The following PTPRG variants were observed in gnomAD, a reference collection of about 807,000 sequenced individuals.
The protein encoded by PTPRG is protein tyrosine phosphatase receptor type G.
In PTPRG, 102 loss-of-function variants were observed where a neutral mutation model predicts 165.3. The ratio of observed to expected loss-of-function variants is 0.62; its 90% CI spans 0.53 to 0.73. PTPRG has a LOEUF of 0.73. Ranked by LOEUF, PTPRG falls within the 30% of genes least tolerant of loss-of-function variation. PTPRG has a pLI of 0.00. For missense variants in PTPRG, 1,866 were observed against 1,861.4 expected, an observed-to-expected ratio of 1.00 and a Z score of -0.05; for synonymous variants, 675 against 669.5, an observed-to-expected ratio of 1.01 and a Z score of -0.13.
chr3:62,128,828 A>T (rs1179416334), intron 5 of PTPRG, among the ~76,000 whole-genome samples: 1 of 149,246 alleles, frequency 6.7e-6, no homozygotes, highest in African/African-American at 2.5e-5. Flanking sequence ...TATGCCCATG[A>T]ATTTTTTTTT....
intron 5 of PTPRG, among the ~76,000 whole-genome samples, chr3:62,096,979 AT>A (rs1410020941): frequency 1.3e-5 from 2 of 152,210 alleles, no homozygotes; most frequent in African/African-American, 4.8e-5. Flanking sequence ...CATCTTAGAA[AT>A]ATGAAGCAAA....
chr3:62,074,978 C>G (rs1228626014), intron 4 of PTPRG, among the ~76,000 whole-genome samples: 3 of 152,180 alleles, frequency 2.0e-5, no homozygotes, highest in Admixed American at 2.0e-4. Context: ...TCTACTTATT[C>G]TTACATTTTA....
At chr3:61,949,457 G>A (rs1234389109) in intron 2 of PTPRG, among the ~76,000 whole-genome samples, 2 of 152,178 alleles carry the variant, frequency 1.3e-5, no homozygotes, top group African/African-American at 4.8e-5. Flanking sequence ...TGGTGGTGGA[G>A]AAACCACAAT....
At chr3:61,909,799 A>G (rs982859729) in intron 2 of PTPRG, among the ~76,000 whole-genome samples, 3 of 152,224 alleles carry the variant, frequency 2.0e-5, no homozygotes, top group Non-Finnish European at 4.4e-5. Context: ...AATTGCTAAT[A>G]TTGCTGCCAT....
chr3:62,095,814 T>C (rs1702089755), intron 5 of PTPRG, among the ~76,000 whole-genome samples: 1 of 150,728 alleles, frequency 6.6e-6, no homozygotes, highest in African/African-American at 2.4e-5. Flanking sequence ...TTAACTAGAG[T>C]GGAAATTACA....
intron 5 of PTPRG, among the ~76,000 whole-genome samples, chr3:62,114,474 CATT>C (rs1320085219): frequency 3.3e-5 from 5 of 152,176 alleles, no homozygotes; most frequent in Non-Finnish European, 7.4e-5. Flanking sequence ...GTTTAGGAGT[CATT>C]ATTTTATCTC....
At chr3:61,879,705 A>G (rs1368096073) in intron 2 of PTPRG, among the ~76,000 whole-genome samples, 2 of 152,086 alleles carry the variant, frequency 1.3e-5, no homozygotes, top group Non-Finnish European at 2.9e-5. Context: ...TGCAATCTAT[A>G]TGCCTTTTAT....
At chr3:61,594,256 C>T (rs1447961286) in intron 1 of PTPRG, among the ~76,000 whole-genome samples, 2 of 151,864 alleles carry the variant, frequency 1.3e-5, no homozygotes, top group East Asian at 1.9e-4. Context: ...AATACTCCTC[C>T]GGGAGGAGGG....
At chr3:62,173,528 C>G (rs1348173308) in intron 8 of PTPRG, among the ~76,000 whole-genome samples, 1 of 152,130 alleles carries the variant, frequency 6.6e-6, no homozygotes, top group African/African-American at 2.4e-5. Context: ...AAATCATAGG[C>G]TTGTTGTAAG....
At chr3:61,975,380 A>G (rs1203987027) in intron 2 of PTPRG, among the ~76,000 whole-genome samples, 1 of 152,196 alleles carries the variant, frequency 6.6e-6, no homozygotes, top group Non-Finnish European at 1.5e-5. Context: ...AGTACTCCAT[A>G]TCAGCCTGTC....
chr3:61,756,527 G>C (rs529289840), intron 2 of PTPRG, among the ~76,000 whole-genome samples: 13 of 152,290 alleles, frequency 8.5e-5, no homozygotes, highest in Non-Finnish European at 1.8e-4. Flanking sequence ...TCCAGTGTTT[G>C]AAAGACGTTG....
At chr3:61,953,520 T>A (rs112753289) in intron 2 of PTPRG, among the ~76,000 whole-genome samples, 4 of 152,318 alleles carry the variant, frequency 2.6e-5, no homozygotes, top group African/African-American at 9.6e-5. Context: ...ACGGGCTCCC[T>A]AGTAAATTAA....
intron 8 of PTPRG, among the ~76,000 whole-genome samples, chr3:62,184,675 G>A (rs1401744139): frequency 6.6e-6 from 1 of 152,142 alleles, no homozygotes; most frequent in Non-Finnish European, 1.5e-5. Flanking sequence ...CCCCACGGTC[G>A]TCTGCTGGCT....
rs149671761 is a variant in PTPRG, at chr3:62,098,960, G to A, written c.615+20702G>A. Among the ~76,000 whole-genome samples, 53 of 152,296 alleles carry A rather than the reference G, an allele frequency of 3.5e-4. No individual in the cohort carries two copies. The East Asian group carries it at 8.3e-3, about 24-fold the overall frequency. ...ATGTTTTAGAAACAAAAGGCATATC[G>A]TAGTGCCACTAGACAGACACATTGT... On this transcript the variant is annotated intron_variant, in intron 5 of 29. Transcript: ENST00000474889.
At chr3:61,782,652 G>A (rs1327673948) in intron 2 of PTPRG, among the ~76,000 whole-genome samples, 2 of 152,218 alleles carry the variant, frequency 1.3e-5, no homozygotes, top group Non-Finnish European at 2.9e-5. Flanking sequence ...GATGAAACAA[G>A]GGCTGAAAGA....
intron 2 of PTPRG, among the ~76,000 whole-genome samples, chr3:61,798,407 T>G (rs1243623696): frequency 1.3e-5 from 2 of 152,194 alleles, no homozygotes; most frequent in Admixed American, 1.3e-4. Context: ...GAAGGGCTTT[T>G]AGGGTATGGA....
chr3:61,632,325 A>G (rs1278145264), intron 1 of PTPRG, among the ~76,000 whole-genome samples: 1 of 152,034 alleles, frequency 6.6e-6, no homozygotes, highest in Non-Finnish European at 1.5e-5. Context: ...ACATACACAC[A>G]CACACACACA....
chr3:61,844,625 G>C (rs530076147), intron 2 of PTPRG, among the ~76,000 whole-genome samples: 2 of 109,466 alleles, frequency 1.8e-5, no homozygotes, highest in African/African-American at 9.1e-5. Context: ...CTCCCAAGTT[G>C]ATGGGACTAT....
intron 1 of PTPRG, among the ~76,000 whole-genome samples, chr3:61,625,750 A>G (rs1479831987): frequency 1.3e-5 from 2 of 152,134 alleles, no homozygotes; most frequent in African/African-American, 4.8e-5. Context: ...GTGTCTAAGA[A>G]CACTCTTAAG....
Sources: gnomAD v4.1 joint callset for allele counts (sites outside exome capture counted in the v4.1 genomes callset) on GRCh38, gnomAD v4.1.1 for gene constraint, MANE v1.5 for transcripts, NCBI Gene and HGNC (gene_info 2026-07-23, HGNC 2026-07-21) for gene names.